Variants in TOP1 observed in about 807,000 individuals in gnomAD.
TOP1 encodes the protein DNA topoisomerase 1.
A neutral mutation model predicts 111.1 loss-of-function variants in TOP1; 10 were observed. The observed-to-expected ratio is 0.09, with a 90% CI of 0.06 to 0.15. The LOEUF (loss-of-function observed/expected upper bound fraction) is 0.15, where lower values mean the gene tolerates loss of function less well. TOP1 is among the 10% of genes least tolerant of loss of function. The pLI, the probability that TOP1 is intolerant of heterozygous loss-of-function variation, is 1.00. For synonymous variants in TOP1, 271 were observed against 302.9 expected (o/e 0.89, Z 1.10); for missense variants, 474 against 926.7 (o/e 0.51, Z 6.34).
rs1248444200 is a variant in TOP1 at position 41,101,227 on chromosome 20, T to C, written c.1182T>C (p.Ser394=). The C allele has an allele frequency of 6.2e-7, 1 of 1,614,036 alleles. No homozygotes were observed. The highest frequency in any genetic ancestry group is 1.1e-5 in the South Asian group (1 of 91,066). ...INCSKDAKVP[S]PPPGHKWKEV... ...TTTCCAGAGATGCCAAGGTTCCTTC[T>C]CCTCCTCCAGGACATAAGTGGAAAG... The change falls in exon 13 of 21, where the codon TCT becomes TCC. Residue 394 remains serine, a synonymous_variant. Transcript: ENST00000361337. This position sits in a 1 kb window ranked among gnomAD's most constrained non-coding sequence, Gnocchi z 4.1.
chr20:41,116,486 T>C lies in TOP1; in HGVS notation c.1822+94T>C, dbSNP rs1297646934. 9 of 947,022 alleles carry C rather than the reference T, an allele frequency of 9.5e-6. No individual in the cohort carries two copies. Among genetic ancestry groups the C allele is most frequent in the East Asian group, 5.1e-5 (2 of 38,958 alleles). The allele number at this position is 947,022 out of a possible 1,614,324, so 58.7% of individuals were successfully genotyped here. Reference sequence around the variant, plus strand: ...GGCCTAGAGTCAGTTCTACTTTTTTTCCCTACCATTGTGGTCAGACACTTT... The same window carrying C: ...GGCCTAGAGTCAGTTCTACTTTTTTCCCCTACCATTGTGGTCAGACACTTT... On this transcript the variant is annotated intron_variant, in intron 17 of 20. Coordinates refer to ENST00000361337, the MANE Select transcript of TOP1 (RefSeq NM_003286.4). This position sits in a 1 kb window ranked among gnomAD's most constrained non-coding sequence, Gnocchi z 5.6.
rs960999781 is a variant in TOP1, at chr20:41,116,186, T to A, written c.1708-92T>A. ...TTGTAGGGCAATAAACTTGACAAGA[T>A]TGTGACTGCACTGGCATAAATTACT... On this transcript the variant is annotated intron_variant, in intron 16 of 20. Coordinates refer to ENST00000361337, the MANE Select transcript of TOP1 (RefSeq NM_003286.4). The surrounding 1 kb of genome is among the most constrained non-coding windows in gnomAD (Gnocchi z 5.6). The A allele has an allele frequency of 2.0e-5, 15 of 765,836 alleles. No homozygotes were observed. Among genetic ancestry groups the A allele is most frequent in the Non-Finnish European group, 2.9e-5 (13 of 450,888 alleles). The allele number at this position is 765,836 out of a possible 1,614,324, so 47.4% of individuals were successfully genotyped here.
At chr20:41,096,940 T>TC (rs2033991067) in intron 9 of TOP1, among the ~76,000 whole-genome samples, 1 of 152,110 alleles carries the variant, frequency 6.6e-6, no homozygotes, top group African/African-American at 2.4e-5. Context: ...TGACTGGGCC[T>TC]CCCCCAGGTC....
intron 2 of TOP1, among the ~76,000 whole-genome samples, chr20:41,036,576 T>G (rs2122588214): frequency 6.6e-6 from 1 of 152,338 alleles, no homozygotes; most frequent in East Asian, 1.9e-4. Context: ...TTATTTTGAA[T>G]GTTAGGTTTG....
chr20:41,120,699 T>C (rs1303620814), intron 18 of TOP1, among the ~76,000 whole-genome samples: 3 of 152,242 alleles, frequency 2.0e-5, no homozygotes, highest in African/African-American at 7.2e-5. Context: ...TAAAAGTGTT[T>C]TCACATCCAT....
At chr20:41,037,567 T>C (rs2033204719) in intron 2 of TOP1, among the ~76,000 whole-genome samples, 1 of 152,230 alleles carries the variant, frequency 6.6e-6, no homozygotes, top group Non-Finnish European at 1.5e-5. Context: ...ATAAAGCTTA[T>C]GTGTGAGAAT....
intron 2 of TOP1, among the ~76,000 whole-genome samples, chr20:41,041,733 A>G (rs955691266): frequency 6.6e-6 from 1 of 152,228 alleles, no homozygotes; most frequent in Non-Finnish European, 1.5e-5. Flanking sequence ...TGTATCTTCA[A>G]CAATCCCAAA....
chr20:41,079,483 G>A lies in TOP1; in HGVS notation c.336-602G>A, dbSNP rs905030963. Among the ~76,000 whole-genome samples, 1 of 152,196 alleles carries A rather than the reference G, an allele frequency of 6.6e-6. No homozygotes were observed. The highest frequency in any genetic ancestry group is 1.5e-5 in the Non-Finnish European group (1 of 68,032). On this transcript the variant is annotated intron_variant, in intron 5 of 20. Coordinates refer to ENST00000361337, the MANE Select transcript of TOP1 (RefSeq NM_003286.4). The surrounding 1 kb of genome is among the most constrained non-coding windows in gnomAD (Gnocchi z 4.0). ...TGTATATAAAGTAAACCTAAGTTAGGACGTTGAACAATGAATAGATTTGGC... is the reference window on the plus strand; with the variant it reads ...TGTATATAAAGTAAACCTAAGTTAGAACGTTGAACAATGAATAGATTTGGC...
intron 2 of TOP1, among the ~76,000 whole-genome samples, chr20:41,040,771 A>C (rs914451086): frequency 2.1e-5 from 3 of 143,842 alleles, no homozygotes; most frequent in Non-Finnish European, 4.5e-5. Flanking sequence ...GCACCACTGC[A>C]CTTCAGCCTG....
intron 8 of TOP1, among the ~76,000 whole-genome samples, chr20:41,089,458 A>G (rs956904243): frequency 2.6e-5 from 4 of 152,326 alleles, no homozygotes; most frequent in South Asian, 2.1e-4. Context: ...CAGAATGTCA[A>G]CGCTCGTCCA....
chr20:41,119,646 G>A (rs2034390777), intron 18 of TOP1, among the ~76,000 whole-genome samples: 1 of 152,164 alleles, frequency 6.6e-6, no homozygotes, highest in African/African-American at 2.4e-5. Context: ...GTACCCATGA[G>A]TAATATAGCT....
rs1397853454 is a variant in TOP1 at position 41,029,479 on chromosome 20, T to C, written c.58+24T>C. 11 of 1,553,074 alleles carry C rather than the reference T, an allele frequency of 7.1e-6. No individual in the cohort carries two copies. Among genetic ancestry groups the C allele is most frequent in the Non-Finnish European group, 9.6e-6 (11 of 1,151,006 alleles). ...TGGTGAGTGTGCCCCCTGCGCCGAC[T>C]CCGGGGCCCCCCAGCCGCCGGCCGC... is the stretch of plus-strand genomic sequence containing the variant. On this transcript the variant is annotated intron_variant, in intron 2 of 20. Coordinates refer to ENST00000361337, the MANE Select transcript of TOP1 (RefSeq NM_003286.4). The surrounding 1 kb of genome is among the most constrained non-coding windows in gnomAD (Gnocchi z 6.1).
chr20:41,100,537 TTTA>T lies in TOP1; in HGVS notation c.1163+298_1163+300del, dbSNP rs1357600764. 3.4e-6 allele frequency: 1 copy of T among 296,004 alleles called. No individual in the cohort carries two copies. Among genetic ancestry groups the T allele is most frequent in the Non-Finnish European group, 6.3e-6 (1 of 158,768 alleles). 18.3% of individuals were successfully genotyped at this position (296,004 alleles called of 1,614,324 possible). A position where few individuals can be genotyped will look rare whatever the true frequency, so the allele number is the denominator to read the frequency against. Reference sequence around the variant, plus strand: ...CCCCAAATTTAATGTCTTTTCCATGTTTATTAAGTACTTATCACATAGAGTGGC... The same window carrying T: ...CCCCAAATTTAATGTCTTTTCCATGTTTAAGTACTTATCACATAGAGTGGC... On this transcript the variant is annotated intron_variant, in intron 12 of 20. Transcript: ENST00000361337. The surrounding 1 kb of genome is among the most constrained non-coding windows in gnomAD (Gnocchi z 4.4).
At position 41,084,518 on chromosome 20, in the gene TOP1, A is replaced by G. The variant is rs1568690042; in HGVS notation, c.564A>G (p.Pro188=). 5.1e-6 allele frequency: 8 copies of G among 1,580,718 alleles called. 1 individual carries two copies. The highest frequency in any genetic ancestry group is 6.9e-6 in the Non-Finnish European group (8 of 1,161,738). Residue 188 remains proline (P), a synonymous_variant, in exon 8 of 21, where the codon CCA becomes CCG. Transcript: ENST00000361337. The part of the protein sequence containing the change: ...NKDKDKKVPE[P]DNKKKKPKKE... ...ATAAAGATAAAAAAGTTCCTGAGCCAGATAACAAGAAAAAGAAGCCGAAGA... is the reference window on the plus strand; with the variant it reads ...ATAAAGATAAAAAAGTTCCTGAGCCGGATAACAAGAAAAAGAAGCCGAAGA...
At position 41,029,012 on chromosome 20, in the gene TOP1, T is replaced by G. The variant is rs2033078150; in HGVS notation, c.-56T>G. The G allele has an allele frequency of 2.0e-6, 3 of 1,506,020 alleles. No homozygotes were observed. In the African/African-American group the frequency reaches 4.3e-5, roughly 21 times the overall value. The allele number at this position is 1,506,020 out of a possible 1,614,324, so 93.3% of individuals were successfully genotyped here. On this transcript the variant is annotated 5_prime_UTR_variant, in exon 1 of 21. Transcript: ENST00000361337. The surrounding 1 kb of genome is among the most constrained non-coding windows in gnomAD (Gnocchi z 6.1). ...TCCGCCCGCACAGGCCGGTTCGCCG[T>G]CTGCGTCTCCCCCACGCCGCCTCGC...
chr20:41,038,613 C>T lies in TOP1; in HGVS notation c.58+9158C>T, dbSNP rs1361548251. ...AGGGTACTGACTTGCTTTGACTTTG[C>T]GGCAACTTCAGTTGTCCAGTGACAA... On this transcript the variant is annotated intron_variant, in intron 2 of 20. Transcript: ENST00000361337. Among the ~76,000 whole-genome samples, 9 of 152,080 alleles carry T rather than the reference C, an allele frequency of 5.9e-5. No individual in the cohort carries two copies. In the South Asian group the frequency reaches 1.0e-3, roughly 17 times the overall value.
In TOP1 at chr20:41,071,591, C is replaced by T. The variant is rs894321901; in HGVS notation, c.156-4580C>T. Among the ~76,000 whole-genome samples the T allele has an allele frequency of 1.3e-5, 2 of 151,732 alleles. No homozygotes were observed. The highest frequency in any genetic ancestry group is 4.8e-5 in the African/African-American group (2 of 41,278). Reference sequence around the variant, plus strand: ...AACTCCTGACCTCAGGTGATCTGCCCGCCTCGGCCTCCTGAAGTGCTAGGA... The same window carrying T: ...AACTCCTGACCTCAGGTGATCTGCCTGCCTCGGCCTCCTGAAGTGCTAGGA... On this transcript the variant is annotated intron_variant, in intron 3 of 20. Coordinates refer to ENST00000361337, the MANE Select transcript of TOP1 (RefSeq NM_003286.4). This position sits in a 1 kb window ranked among gnomAD's most constrained non-coding sequence, Gnocchi z 4.3.
intron 2 of TOP1, among the ~76,000 whole-genome samples, chr20:41,056,170 G>T (rs1295595886): frequency 1.3e-5 from 2 of 152,108 alleles, no homozygotes; most frequent in Admixed American, 1.3e-4. Context: ...TTCATCTTTA[G>T]AGATTCTTTA....
chr20:41,119,601 A>T (rs2034389899), intron 18 of TOP1, among the ~76,000 whole-genome samples: 1 of 152,096 alleles, frequency 6.6e-6, no homozygotes, highest in African/African-American at 2.4e-5. Context: ...TAAGGCCCAG[A>T]ATATTTTCCA....
Sources: gnomAD v4.1 joint callset for allele counts (sites outside exome capture counted in the v4.1 genomes callset) on GRCh38, gnomAD v4.1.1 for gene constraint, Gnocchi (gnomAD v3.1) non-coding constraint, MANE v1.5 for transcripts, NCBI Gene and HGNC (gene_info 2026-07-23, HGNC 2026-07-21) for gene names.